Variants in C1QTNF8 observed in about 807,000 individuals in gnomAD.
The protein encoded by C1QTNF8 is complement C1q tumor necrosis factor-related protein 8.
A neutral mutation model predicts 19.2 loss-of-function variants in C1QTNF8; 27 were observed. That is an observed-to-expected ratio of 1.41 (90% CI 1.04 to 1.94). C1QTNF8 has a LOEUF of 1.94. C1QTNF8 is among the 30% of genes most tolerant of loss of function. C1QTNF8 has a pLI of 0.00. For synonymous variants in C1QTNF8, 208 were observed against 172.8 expected, an observed-to-expected ratio of 1.20 and a Z score of -1.60; for missense variants, 484 against 374.4, an observed-to-expected ratio of 1.29 and a Z score of -2.42.
At chr16:1,093,458 G>T (rs201167830) in intron 4 of C1QTNF8, 39 bp downstream of exon 4, 3 of 1,059,630 alleles carry the variant, frequency 2.8e-6, no homozygotes, top group Non-Finnish European at 3.6e-6. Flanking sequence ...ACACACACAC[G>T]CGCGCGCGCG....
chr16:1,092,970 CCAATCCCTGCACACAGTCGGCGCTCAAT>C (rs1960584989), intron 4 of C1QTNF8, among the ~76,000 whole-genome samples: 2 of 50,008 alleles, frequency 4.0e-5, no homozygotes, highest in African/African-American at 5.4e-5. Context: ...CGGCGCTCAA[CCAATCCCTGCACACAGTCGGCGCTCAAT>C]CAATCCCTGC....
chr16:1,091,409 G>A (rs1960541356), intron 4 of C1QTNF8, among the ~76,000 whole-genome samples: 1 of 152,128 alleles, frequency 6.6e-6, no homozygotes, highest in Non-Finnish European at 1.5e-5. Context: ...TGGGCCGGAG[G>A]GGCTGGGAAG....
rs1555492668 is a variant in C1QTNF8 at position 1,093,456 on chromosome 16, A to ACACGCGCG, written c.*4+40_*4+41insCGCGCGTG. On this transcript the variant is annotated intron_variant, in intron 4 of 4. Transcript: ENST00000328449. ...CACACACACACAGACACACACACAC[A>ACACGCGCG]CGCGCGCGCGCGCCCGGTGCTCAGC... 5.3e-5 allele frequency: 61 copies of ACACGCGCG among 1,159,892 alleles called. 1 individual carries two copies. The African/African-American group carries it at 1.1e-3, about 22-fold the overall frequency. The allele number at this position is 1,159,892 out of a possible 1,614,324, so 71.9% of individuals were successfully genotyped here.
chr16:1,095,965 G>C (rs755494309), intron 1 of C1QTNF8, among the ~76,000 whole-genome samples, 177 bp from the exon 2 acceptor site: 4 of 152,070 alleles, frequency 2.6e-5, no homozygotes, highest in Non-Finnish European at 5.9e-5. Context: ...GTGCATGCAC[G>C]GAGGCCTGCA....
chr16:1,092,290 G>A (rs1481170878), intron 4 of C1QTNF8, among the ~76,000 whole-genome samples: 2 of 152,010 alleles, frequency 1.3e-5, no homozygotes, highest in Non-Finnish European at 2.9e-5. Context: ...CACACAGCTG[G>A]CACTCAATCA....
chr16:1,094,104 C>G, intron 3 of C1QTNF8, 53 bp from the exon 4 acceptor site: 1 of 1,345,252 alleles, frequency 7.4e-7, no homozygotes, highest in Middle Eastern at 2.1e-4. Flanking sequence ...GCAGGCCTCC[C>G]CCATTCCAGC....
intron 1 of C1QTNF8, 96 bp from the exon 2 acceptor site, chr16:1,095,884 CT>C (rs990500342): frequency 1.3e-5 from 2 of 152,356 alleles, no homozygotes; most frequent in African/African-American, 4.8e-5. Flanking sequence ...GACTCACCCC[CT>C]GGCCCCACTG....
rs1430721137 is a variant in C1QTNF8, at chr16:1,089,298, AC to A, written c.*1300del. Among the ~76,000 whole-genome samples the A allele has an allele frequency of 2.0e-5, 3 of 150,658 alleles. No individual in the cohort carries two copies. Among genetic ancestry groups the A allele is most frequent in the South Asian group, 4.2e-4 (2 of 4,732 alleles). ...GGGACCCCCACCCCCAGCAGCCCAT[AC>A]CCCCCACCTCTGGTTCTTCAAGCAC... On this transcript the variant is annotated 3_prime_UTR_variant, in exon 5 of 5. Transcript: ENST00000328449.
chr16:1,091,909 C>T (rs1267657934), intron 4 of C1QTNF8, among the ~76,000 whole-genome samples: 1 of 151,450 alleles, frequency 6.6e-6, no homozygotes, highest in Non-Finnish European at 1.5e-5. Context: ...TCCTTCCACC[C>T]TTTTGGCCTC....
At position 1,088,579 on chromosome 16, in the gene C1QTNF8, G is replaced by T. The variant is rs567567616; in HGVS notation, c.*2020C>A. The stretch of plus-strand genomic sequence containing the variant: ...GGCTTTTATCACTTGGCAGAGAATC[G>T]TGACCGTATCTTATCTCACTTTCAG... On this transcript the variant is annotated 3_prime_UTR_variant, in exon 5 of 5. Transcript: ENST00000328449. 6.6e-6 allele frequency among the ~76,000 whole-genome samples: 1 copy of T among 152,302 alleles called. No homozygotes were observed.
intron 4 of C1QTNF8, among the ~76,000 whole-genome samples, chr16:1,091,686 T>C (rs943007318): frequency 2.6e-5 from 4 of 152,168 alleles, no homozygotes; most frequent in Non-Finnish European, 5.9e-5. Flanking sequence ...CGTGGGGGTC[T>C]GAGGCTTCCT....
At chr16:1,093,467 C>T in intron 4 of C1QTNF8, 30 bp downstream of exon 4, 2 of 1,461,564 alleles carry the variant, frequency 1.4e-6, no homozygotes, top group South Asian at 1.4e-5. Flanking sequence ...CGCGCGCGCG[C>T]GCCCGGTGCT....
chr16:1,093,416 A>G, intron 4 of C1QTNF8, 81 bp downstream of exon 4: 1 of 371,044 alleles, frequency 2.7e-6, no homozygotes, highest in Admixed American at 9.8e-5. Context: ...ACACACACCC[A>G]CACCCACCCC....
Position 1,093,370 on chromosome 16 carries a change from G to C in C1QTNF8, c.*4+127C>G. The C allele has an allele frequency of 9.6e-6, 4 of 417,556 alleles. 1 individual carries two copies. The highest frequency in any genetic ancestry group is 2.2e-5 in the South Asian group (1 of 44,714). The allele number at this position is 417,556 out of a possible 1,614,324, so 25.9% of individuals were successfully genotyped here. ...ACACAGTCGGCGCTGAAGCTCCGCT[G>C]CCCGCCCACCCCACCACACCCACAC... On this transcript the variant is annotated intron_variant, in intron 4 of 4. Transcript: ENST00000328449.
Position 1,088,341 on chromosome 16 carries a change from A to C in C1QTNF8, c.*2258T>G, listed in dbSNP as rs1278218510. ...ATGTCACAGGGATGTCCCCGCGGGA[A>C]GCCGCGTTCCCCAGTCCCTTCCTGT... On this transcript the variant is annotated 3_prime_UTR_variant, in exon 5 of 5. Coordinates refer to ENST00000328449, the MANE Select transcript of C1QTNF8 (RefSeq NM_207419.3). 6.6e-6 allele frequency among the ~76,000 whole-genome samples: 1 copy of C among 152,222 alleles called. No individual in the cohort carries two copies. Among genetic ancestry groups the C allele is most frequent in the Admixed American group, 6.5e-5 (1 of 15,282 alleles).
intron 4 of C1QTNF8, among the ~76,000 whole-genome samples, chr16:1,092,723 CA>C (rs2151565562): frequency 7.3e-5 from 7 of 96,502 alleles, no homozygotes; most frequent in Admixed American, 3.1e-4. Flanking sequence ...CTCAACCAAT[CA>C]CAGCACACAG....
Position 1,088,898 on chromosome 16 carries a change from G to A in C1QTNF8, c.*1701C>T, listed in dbSNP as rs895541975. On this transcript the variant is annotated 3_prime_UTR_variant, in exon 5 of 5. Transcript: ENST00000328449. ...TGCGGGGAGGTCCAGCCTGTCCCTC[G>A]GAATAAGCGCCTGGCTTCGGGGCTG... Among the ~76,000 whole-genome samples, 4 of 151,334 alleles carry A rather than the reference G, an allele frequency of 2.6e-5. No homozygotes were observed. The highest frequency in any genetic ancestry group is 4.9e-5 in the African/African-American group (2 of 40,984).
Position 1,093,861 on chromosome 16 carries a change from G to T in C1QTNF8, c.399C>A (p.Phe133Leu). The T allele has an allele frequency of 1.2e-6, 2 of 1,602,356 alleles. No individual in the cohort carries two copies. ...GCTCCGTGTCGAAGGGCACCGCCTG[G>T]AAGTGGTCGGAGCTGTGCAGGCCCT... is the stretch of plus-strand genomic sequence containing the variant. ...RREGLHSSDH[F>L]QAVPFDTELV... The change falls in exon 4 of 5, where the codon TTC becomes TTA. Residue 133 changes from phenylalanine to leucine, a missense_variant. Phe to Leu is a conservative substitution (Grantham distance 22). Transcript: ENST00000328449.
At position 1,093,730 on chromosome 16, in the gene C1QTNF8, T is replaced by A; in HGVS notation, c.530A>T (p.Glu177Val). Residue 177 changes from glutamate to valine, a missense_variant, in exon 4 of 5, where the codon GAG becomes GTG. Transcript: ENST00000328449. Reference sequence around the variant, plus strand: ...GTTCAGCATGATGTGCAGGTAGGTCTCCTTGTAGTTCCAGGTGTGCACGTT... The same window carrying A: ...GTTCAGCATGATGTGCAGGTAGGTCACCTTGTAGTTCCAGGTGTGCACGTT... ...SLNVHTWNYK[E>V]TYLHIMLNRR... is the part of the protein sequence containing the mutation. The A allele has an allele frequency of 6.2e-7, 1 of 1,611,970 alleles. No individual in the cohort carries two copies. The highest frequency in any genetic ancestry group is 1.7e-5 in the Admixed American group (1 of 59,928).
Sources: allele counts gnomAD v4.1 joint callset (sites outside exome capture counted in the v4.1 genomes callset), GRCh38; gene constraint gnomAD v4.1.1; transcripts MANE v1.5; gene names NCBI Gene and HGNC (gene_info 2026-07-23, HGNC 2026-07-21).